FBN2: variants seen among roughly 807,000 people sequenced by gnomAD.
The protein encoded by FBN2 is fibrillin 2.
Under a neutral mutation model 355.6 loss-of-function variants are expected in FBN2, and 105 were observed. That is an observed-to-expected ratio of 0.30 (90% CI 0.25 to 0.35). The LOEUF (loss-of-function observed/expected upper bound fraction) is 0.35, where lower values mean the gene tolerates loss of function less well. FBN2 is among the 10% of genes least tolerant of loss of function. FBN2 has a pLI of 1.00. For synonymous variants in FBN2, 1,350 were observed against 1,301.2 expected (o/e 1.04, Z -0.81); for missense variants, 3,280 against 3,758.7 (o/e 0.87, Z 3.33).
At chr5:128,274,816 T>C in intron 59 of FBN2, 133 bp from the exon 60 acceptor site, 1 of 715,582 alleles carries the variant, frequency 1.4e-6, no homozygotes, top group Non-Finnish European at 2.6e-6. Flanking sequence ...GCTTCGTAGA[T>C]TTCCATAGGC....
chr5:128,427,714 G>A (rs569990800), intron 7 of FBN2, among the ~76,000 whole-genome samples: 45 of 152,246 alleles, frequency 3.0e-4, no homozygotes, highest in African/African-American at 1.0e-3. Flanking sequence ...TATTGACTTA[G>A]GACTTTGCCT....
chr5:128,526,053 C>T (rs957866771), intron 4 of FBN2, among the ~76,000 whole-genome samples: 3 of 152,048 alleles, frequency 2.0e-5, no homozygotes, highest in African/African-American at 7.2e-5. Context: ...AACAGAATAT[C>T]TTTCTTTAAA....
intron 5 of FBN2, among the ~76,000 whole-genome samples, chr5:128,488,006 C>G (rs1249039043): frequency 6.6e-6 from 1 of 152,036 alleles, no homozygotes; most frequent in Non-Finnish European, 1.5e-5. Context: ...CATAAAAAGT[C>G]ATAGGAGTTA....
At position 128,286,863 on chromosome 5, in the gene FBN2, TA is replaced by T. The variant is rs751426825; in HGVS notation, c.6881-15del. 6.2e-6 allele frequency: 10 copies of T among 1,612,470 alleles called. No individual in the cohort carries two copies. The East Asian group carries it at 2.2e-4, about 36-fold the overall frequency. On this transcript the variant is annotated splice_polypyrimidine_tract_variant and intron_variant, in intron 54 of 64. Coordinates refer to ENST00000262464, the MANE Select transcript of FBN2 (RefSeq NM_001999.4). The stretch of plus-strand genomic sequence containing the variant: ...ATTCATCCAGATCTAGAACAAAAAA[TA>T]AAAATTAAAAATTATCTGGAGCAAG...
chr5:128,323,486 GAAGGGCCTATTTTATC>G (rs886828487), intron 34 of FBN2, among the ~76,000 whole-genome samples: 16 of 152,020 alleles, frequency 1.1e-4, no homozygotes, highest in African/African-American at 3.9e-4. Context: ...GAATTTTATT[GAAGGGCCTATTTTATC>G]AAAGGCCTAG....
intron 58 of FBN2, among the ~76,000 whole-genome samples, 165 bp downstream of exon 58, chr5:128,277,715 G>A (rs1581182332): frequency 6.6e-6 from 1 of 152,148 alleles, no homozygotes; most frequent in African/African-American, 2.4e-5. Flanking sequence ...CAAAGGCCAA[G>A]TGCTGTGTGA....
At chr5:128,342,545 T>G (rs561979895) in intron 25 of FBN2, among the ~76,000 whole-genome samples, 1 of 151,736 alleles carries the variant, frequency 6.6e-6, no homozygotes, top group Admixed American at 6.6e-5. Context: ...TTTGAACCTG[T>G]GTATAAGTTG....
chr5:128,535,817 C>CAAAAA (rs10676699), intron 2 of FBN2, among the ~76,000 whole-genome samples: 1 of 118,452 alleles, frequency 8.4e-6, no homozygotes. Flanking sequence ...TTCCAAAAAG[C>CAAAAA]AAAAAAAAAA....
At chr5:128,422,264 T>C (rs1054333397) in intron 7 of FBN2, among the ~76,000 whole-genome samples, 4 of 152,120 alleles carry the variant, frequency 2.6e-5, no homozygotes, top group African/African-American at 9.7e-5. Flanking sequence ...GAAACTAGTA[T>C]GTTGAGGAAA....
intron 25 of FBN2, among the ~76,000 whole-genome samples, chr5:128,339,372 C>G (rs1410114943): frequency 2.0e-5 from 3 of 152,062 alleles, no homozygotes; most frequent in African/African-American, 7.2e-5. Flanking sequence ...AATCTCAGCA[C>G]TTGGGGAAGC....
intron 34 of FBN2, among the ~76,000 whole-genome samples, chr5:128,323,927 T>C (rs1020834595): frequency 1.3e-5 from 2 of 152,190 alleles, no homozygotes; most frequent in Non-Finnish European, 2.9e-5. Flanking sequence ...CCTGGACTTA[T>C]TTTGTTTGGT....
intron 4 of FBN2, among the ~76,000 whole-genome samples, chr5:128,520,433 T>C (rs915250157): frequency 1.3e-5 from 2 of 152,224 alleles, no homozygotes; most frequent in Non-Finnish European, 2.9e-5. Context: ...TTATATTCTA[T>C]GACCTGTGTC....
Position 128,352,124 on chromosome 5 carries a change from G to A in FBN2, c.2675-1119C>T, listed in dbSNP as rs79024744. ...TTTAAAAGAAAAAGCCCTATAAAAC[G>A]AAGAAGGAATAAACATCACTTATAA... is the stretch of plus-strand genomic sequence containing the variant. On this transcript the variant is annotated intron_variant, in intron 20 of 64. Transcript: ENST00000262464. Among the ~76,000 whole-genome samples the A allele has an allele frequency of 7.0e-4, 107 of 152,146 alleles. 1 individual carries two copies. In the East Asian group the frequency reaches 0.017, roughly 25 times the overall value.
At chr5:128,484,352 TA>T (rs2127114581) in intron 5 of FBN2, among the ~76,000 whole-genome samples, 1 of 152,256 alleles carries the variant, frequency 6.6e-6, no homozygotes, top group Non-Finnish European at 1.5e-5. Context: ...TCACCTTAAC[TA>T]AAACTGCAAA....
At chr5:128,534,673 G>A (rs559116279) in intron 2 of FBN2, among the ~76,000 whole-genome samples, 1 of 152,262 alleles carries the variant, frequency 6.6e-6, no homozygotes, top group Non-Finnish European at 1.5e-5. Flanking sequence ...AATAGTCACT[G>A]TTACCCTGAG....
chr5:128,479,047 T>C (rs1755084038), intron 5 of FBN2, among the ~76,000 whole-genome samples: 2 of 152,284 alleles, frequency 1.3e-5, no homozygotes, highest in South Asian at 4.1e-4. Context: ...AATAAAACAA[T>C]ATATTTTGTG....
chr5:128,327,119 T>C (rs1416216693), intron 34 of FBN2, among the ~76,000 whole-genome samples: 1 of 152,200 alleles, frequency 6.6e-6, no homozygotes, highest in Non-Finnish European at 1.5e-5. Flanking sequence ...GCTTCAGTGC[T>C]TAGAAGAAAC....
At chr5:128,349,115 G>T (rs1230126652) in intron 23 of FBN2, among the ~76,000 whole-genome samples, 1 of 152,182 alleles carries the variant, frequency 6.6e-6, no homozygotes, top group African/African-American at 2.4e-5. Context: ...TTAAAGAAAT[G>T]GAAGATTTTG....
At chr5:128,401,706 G>A (rs563081316) in intron 8 of FBN2, among the ~76,000 whole-genome samples, 5 of 152,256 alleles carry the variant, frequency 3.3e-5, no homozygotes, top group East Asian at 1.9e-4. Flanking sequence ...ACTTGAACCC[G>A]GGAGGTGGAG....
Sources: gnomAD v4.1 joint callset for allele counts (sites outside exome capture counted in the v4.1 genomes callset) on GRCh38, gnomAD v4.1.1 for gene constraint, MANE v1.5 for transcripts, NCBI Gene and HGNC (gene_info 2026-07-23, HGNC 2026-07-21) for gene names.